The following SHTN1 variants were observed in gnomAD, a reference collection of about 807,000 sequenced individuals.
SHTN1 encodes shootin 1, also known as shootin-1.
SHTN1 carries 42 observed loss-of-function variants against 83.1 expected under a neutral mutation model. That is an observed-to-expected ratio of 0.51 (90% confidence interval 0.39 to 0.65). SHTN1 has a LOEUF of 0.65. SHTN1 is among the 30% of genes least tolerant of loss of function. The probability of loss-of-function intolerance (pLI) is 0.00; values close to 1 mark genes in which losing one functional copy is unlikely to be tolerated. For missense variants in SHTN1, 622 were observed against 737.8 expected (o/e 0.84, Z 1.82); for synonymous variants, 224 against 247.7 (o/e 0.90, Z 0.90).
At chr10:117,102,418 G>A (rs896227737) in intron 1 of SHTN1, among the ~76,000 whole-genome samples, 6 of 152,172 alleles carry the variant, frequency 3.9e-5, no homozygotes, top group Admixed American at 3.9e-4. Flanking sequence ...CAAATGTTCG[G>A]GGACTTACTT....
At chr10:116,892,382 G>C (rs1367392069) in intron 16 of SHTN1, among the ~76,000 whole-genome samples, 1 of 152,144 alleles carries the variant, frequency 6.6e-6, no homozygotes, top group East Asian at 1.9e-4. Context: ...TCTGAAATGT[G>C]GGTGATCATT....
chr10:116,982,957 T>C (rs1442947069), intron 1 of SHTN1, among the ~76,000 whole-genome samples: 3 of 151,308 alleles, frequency 2.0e-5, no homozygotes, highest in South Asian at 2.1e-4. Flanking sequence ...AGCAAGACTC[T>C]GTCTCAAAAA....
chr10:117,088,375 A>ATTGGTAGAG (rs1166596778), intron 1 of SHTN1, among the ~76,000 whole-genome samples: 1 of 152,236 alleles, frequency 6.6e-6, no homozygotes, highest in Non-Finnish European at 1.5e-5. Context: ...TTGCCTAAAT[A>ATTGGTAGAG]TTGGTAGAGT....
intron 12 of SHTN1, 31 bp from the exon 13 acceptor site, chr10:116,915,515 T>C: frequency 7.8e-7 from 1 of 1,275,154 alleles, no homozygotes; most frequent in Non-Finnish European, 1.1e-6. Flanking sequence ...TAAATCCTCT[T>C]ATGTTACAAG....
intron 1 of SHTN1, among the ~76,000 whole-genome samples, chr10:116,993,977 T>C (rs970312918): frequency 1.3e-5 from 2 of 152,158 alleles, no homozygotes; most frequent in African/African-American, 4.8e-5. Flanking sequence ...TCTGAGTCTG[T>C]TAGCAAGCTT....
chr10:116,976,397 T>C (rs578240863), intron 2 of SHTN1, among the ~76,000 whole-genome samples: 2 of 152,304 alleles, frequency 1.3e-5, no homozygotes, highest in Non-Finnish European at 1.5e-5. Flanking sequence ...ACAAAGATAG[T>C]AGACATGTGG....
intron 14 of SHTN1, among the ~76,000 whole-genome samples, chr10:116,911,061 T>TACTGTGCATAATA (rs1848171108): frequency 6.6e-6 from 1 of 152,204 alleles, no homozygotes; most frequent in South Asian, 2.1e-4. Flanking sequence ...TTTGTTGACT[T>TACTGTGCATAATA]ACTGTGCATA....
At chr10:116,992,924 A>T (rs949419096) in intron 1 of SHTN1, among the ~76,000 whole-genome samples, 1 of 151,132 alleles carries the variant, frequency 6.6e-6, no homozygotes, top group Non-Finnish European at 1.5e-5. Context: ...TATTATACCT[A>T]CCTCATGGCT....
At position 116,884,055 on chromosome 10, in the gene SHTN1, C is replaced by A. The variant is rs1564857020; in HGVS notation, c.*2289G>T. 6 of 321,696 alleles carry A rather than the reference C, an allele frequency of 1.9e-5. No individual in the cohort carries two copies. In the East Asian group the frequency reaches 5.1e-4, roughly 27 times the overall value. 19.9% of individuals were successfully genotyped at this position (321,696 alleles called of 1,614,324 possible). A position where few individuals can be genotyped will look rare whatever the true frequency, so the allele number is the denominator to read the frequency against. On this transcript the variant is annotated 3_prime_UTR_variant, in exon 17 of 17. Transcript: ENST00000355371. ...AAAAAATCCTCTATAGCGCACAAGA[C>A]TTAATTTATCTTTCCCAAACAGAAG...
At position 116,950,074 on chromosome 10, in the gene SHTN1, G is replaced by A. The variant is rs188585156; in HGVS notation, c.535-1077C>T. On this transcript the variant is annotated intron_variant, in intron 6 of 16. Coordinates refer to ENST00000355371, the MANE Select transcript of SHTN1 (RefSeq NM_001127211.3). ...TTAGGGAAACTGGGCAGGGAGCAAGGAGTATGCAACCAGAAAGAGTTACAC... is the reference window on the plus strand; with the variant it reads ...TTAGGGAAACTGGGCAGGGAGCAAGAAGTATGCAACCAGAAAGAGTTACAC... Among the ~76,000 whole-genome samples the A allele has an allele frequency of 5.9e-5, 9 of 152,300 alleles. No individual in the cohort carries two copies. The East Asian group carries it at 1.7e-3, about 29-fold the overall frequency.
At chr10:117,092,523 T>C (rs1171916672) in intron 1 of SHTN1, among the ~76,000 whole-genome samples, 12 of 152,142 alleles carry the variant, frequency 7.9e-5, no homozygotes. Context: ...TTATCCCCTT[T>C]GGGGACAAAT....
At chr10:117,051,143 T>C (rs922280948) in intron 1 of SHTN1, among the ~76,000 whole-genome samples, 20 of 152,202 alleles carry the variant, frequency 1.3e-4, no homozygotes, top group African/African-American at 4.8e-4. Flanking sequence ...AACCAAAATA[T>C]TAGACAGCCA....
At chr10:117,017,459 C>A (rs1390381643) in intron 2 of SHTN1, among the ~76,000 whole-genome samples, 2 of 146,242 alleles carry the variant, frequency 1.4e-5, no homozygotes, top group East Asian at 4.0e-4. Context: ...CCACTGCACT[C>A]CAGCCTGGGC....
intron 1 of SHTN1, among the ~76,000 whole-genome samples, chr10:116,983,696 ATACATAC>A (rs1851126791): frequency 2.0e-3 from 13 of 6,658 alleles, no homozygotes; most frequent in South Asian, 6.0e-3. Flanking sequence ...AAATACATAC[ATACATAC>A]ATACATACAT....
intron 2 of SHTN1, among the ~76,000 whole-genome samples, chr10:116,969,051 G>A (rs764384090): frequency 6.6e-6 from 1 of 152,190 alleles, no homozygotes; most frequent in Non-Finnish European, 1.5e-5. Context: ...GGCTAATGCT[G>A]TACATAGTCA....
chr10:117,125,278 G>C (rs1004592403), intron 1 of SHTN1, among the ~76,000 whole-genome samples: 1 of 152,196 alleles, frequency 6.6e-6, no homozygotes, highest in Admixed American at 6.5e-5. Context: ...AACAGAGACG[G>C]TCATAGGCAG....
In SHTN1 at chr10:116,945,032, A is replaced by T. The variant is rs767512633; in HGVS notation, c.617-14T>A. ...CTAACATGGACACTTAAGAAGATAAAGGAAAAAAAAAACCCAGACAATAAG... is the reference window on the plus strand; with the variant it reads ...CTAACATGGACACTTAAGAAGATAATGGAAAAAAAAAACCCAGACAATAAG... On this transcript the variant is annotated splice_polypyrimidine_tract_variant and intron_variant, in intron 7 of 16. Transcript: ENST00000355371. 6.9e-7 allele frequency: 1 copy of T among 1,449,628 alleles called. No individual in the cohort carries two copies. The highest frequency in any genetic ancestry group is 9.5e-7 in the Non-Finnish European group (1 of 1,047,842). The allele number at this position is 1,449,628 out of a possible 1,614,324, so 89.8% of individuals were successfully genotyped here.
intron 14 of SHTN1, among the ~76,000 whole-genome samples, chr10:116,908,710 C>T (rs1848071815): frequency 6.6e-6 from 1 of 152,182 alleles, no homozygotes; most frequent in African/African-American, 2.4e-5. Flanking sequence ...ACATACCTTT[C>T]AAGGATATCT....
chr10:117,034,655 C>T (rs1183693760), intron 2 of SHTN1, among the ~76,000 whole-genome samples: 1 of 150,582 alleles, frequency 6.6e-6, no homozygotes, highest in African/African-American at 2.4e-5. Flanking sequence ...AAAAAAAAAT[C>T]AACATAGAAA....
Sources: allele counts gnomAD v4.1 joint callset (sites outside exome capture counted in the v4.1 genomes callset), GRCh38; gene constraint gnomAD v4.1.1; transcripts MANE v1.5; gene names NCBI Gene and HGNC (gene_info 2026-07-23, HGNC 2026-07-21).